Variants in APOB observed in about 807,000 individuals in gnomAD.
APOB encodes the protein apolipoprotein B-100.
In APOB, 153 loss-of-function variants were observed where a neutral mutation model predicts 314.1. The ratio of observed to expected loss-of-function variants is 0.49; its 90% CI spans 0.43 to 0.56. The LOEUF (loss-of-function observed/expected upper bound fraction) is 0.56. Ranked by LOEUF, APOB falls within the 20% of genes least tolerant of loss-of-function variation. APOB has a pLI of 0.00. For synonymous variants in APOB, 2,087 were observed against 2,036.4 expected, an observed-to-expected ratio of 1.02 and a Z score of -0.67; for missense variants, 5,430 against 5,350.7, an observed-to-expected ratio of 1.01 and a Z score of -0.46.
rs779284353 is a variant in APOB, at chr2:21,009,414, T to C, written c.7454A>G (p.Gln2485Arg). The C allele has an allele frequency of 3.1e-6, 5 of 1,614,126 alleles. No individual in the cohort carries two copies. The South Asian group carries it at 5.5e-5, about 18-fold the overall frequency. The change falls in exon 26 of 29, where the codon CAG becomes CGG. Residue 2485 changes from glutamine (Q) to arginine (R), a missense_variant. By Grantham distance (43) the Gln-to-Arg change is conservative. This residue lies in a region of APOB where 3,281 missense variants were observed against 3,171.0 expected (regional missense o/e 1.03). Coordinates refer to ENST00000233242, the MANE Select transcript of APOB (RefSeq NM_000384.3). ...GATGATTAAGGTTATTTTGGTGTCC[T>C]GTAGGCTTTCCAGATACACTGCAAC... is the stretch of plus-strand genomic sequence containing the variant. The part of the protein sequence containing the change: ...ATVAVYLESL[Q>R]DTKITLIINW...
intron 25 of APOB, 40 bp from the exon 26 acceptor site, chr2:21,012,691 T>C (rs536776030): frequency 1.9e-5 from 30 of 1,595,672 alleles, no homozygotes; most frequent in Non-Finnish European, 2.6e-5. Context: ...AATTAAGCAG[T>C]ACATTTCCAG....
At chr2:21,003,398 C>T (rs1014323102) in intron 28 of APOB, 64 bp from the exon 29 acceptor site, 63 of 1,383,598 alleles carry the variant, frequency 4.6e-5, no homozygotes, top group Non-Finnish European at 6.0e-5. Context: ...ATATAGTACA[C>T]TAAAACTTCA....
At position 21,009,535 on chromosome 2, in the gene APOB, C is replaced by T. The variant is rs762309962; in HGVS notation, c.7333G>A (p.Glu2445Lys). ...FVDETNDKIR[E>K]VTQRLNGEIQ... ...TCACCATTGAGTCTCTGAGTCACCT[C>T]ACGGATTTTGTCATTGGTTTCATCT... Residue 2445 changes from glutamate (E) to lysine (K), a missense_variant, in exon 26 of 29, where the codon GAG becomes AAG. Around this residue, in one of 3 missense-constraint regions of APOB, gnomAD observed 3,281 missense variants for 3,171.0 expected, o/e 1.03. Transcript: ENST00000233242. The T allele has an allele frequency of 8.7e-6, 14 of 1,614,060 alleles. No homozygotes were observed. The highest frequency in any genetic ancestry group is 1.2e-5 in the Non-Finnish European group (14 of 1,179,974).
rs776597705 is a variant in APOB, at chr2:21,032,471, G to C, written c.1235C>G (p.Thr412Ser). 4.3e-6 allele frequency: 7 copies of C among 1,614,076 alleles called. No homozygotes were observed. The South Asian group carries it at 5.5e-5, about 13-fold the overall frequency. ...CTCGGGGATCAGGGCCACCAGGTAGGTGACCACATCTATCAGAAGGGGGTT... is the reference window on the plus strand; with the variant it reads ...CTCGGGGATCAGGGCCACCAGGTAGCTGACCACATCTATCAGAAGGGGGTT... Reference protein sequence around the residue: ...HANPLLIDVVTYLVALIPEPS... With the variant: ...HANPLLIDVVSYLVALIPEPS... Residue 412 changes from threonine (T) to serine (S), a missense_variant, in exon 10 of 29, where the codon ACC (threonine) becomes AGC (serine). By Grantham distance (58) the Thr-to-Ser change is moderately conservative. Transcript: ENST00000233242.
chr2:21,027,984 A>T lies in APOB; in HGVS notation c.1911T>A (p.Tyr637Ter), dbSNP rs962930157. ...GAAGAGAAACAGATTTGTAGAGTTG[A>T]TAGTTCCGAGAGAATTTTCTGAAGT... The part of the protein sequence containing the change: ...VMDFRKFSRN[Y>*]QLYKSVSLPS... The change falls in exon 14 of 29, where the codon TAT becomes TAA. Residue 637 changes from tyrosine to a stop codon, truncating the protein, a stop_gained. Transcript: ENST00000233242. LOFTEE classifies it high-confidence loss of function. 1 of 1,613,996 alleles carries T rather than the reference A, an allele frequency of 6.2e-7. No homozygotes were observed. Among genetic ancestry groups the T allele is most frequent in the Non-Finnish European group, 8.5e-7 (1 of 1,179,962 alleles).
chr2:21,034,285 T>C (rs1175410039), intron 8 of APOB, among the ~76,000 whole-genome samples: 1 of 152,156 alleles, frequency 6.6e-6, no homozygotes, highest in Non-Finnish European at 1.5e-5. Flanking sequence ...CTCTGTAGAA[T>C]AGGTATAAAA....
In APOB at chr2:21,002,400, A is replaced by C; in HGVS notation, c.13022T>G (p.Ile4341Ser). 1.2e-6 allele frequency: 2 copies of C among 1,602,708 alleles called. No homozygotes were observed. The highest frequency in any genetic ancestry group is 1.7e-6 in the Non-Finnish European group (2 of 1,173,678). The change falls in exon 29 of 29, where the codon ATC becomes AGC. Residue 4341 changes from isoleucine to serine, a missense_variant. Ile to Ser is a moderately radical substitution (Grantham distance 142, BLOSUM62 -2). This residue lies in a region of APOB where 3,281 missense variants were observed against 3,171.0 expected (regional missense o/e 1.03). Coordinates refer to ENST00000233242, the MANE Select transcript of APOB (RefSeq NM_000384.3). ...DEINTIFSDY[I>S]PYVFKLLKEN... ...TTTCAACAATTTAAAAACATATGGG[A>C]TATAATCACTGAAGATTGTGTTGAT...
chr2:21,030,085 G>T, intron 10 of APOB, 70 bp from the exon 11 acceptor site: 1 of 925,554 alleles, frequency 1.1e-6, no homozygotes. Flanking sequence ...CCAAACTTGT[G>T]AATTAGAAAA....
chr2:21,031,163 C>G (rs866517175), intron 10 of APOB, among the ~76,000 whole-genome samples: 3 of 152,190 alleles, frequency 2.0e-5, no homozygotes, highest in African/African-American at 7.2e-5. Context: ...ATATGTTTAT[C>G]ACAGCACTAT....
intron 18 of APOB, among the ~76,000 whole-genome samples, chr2:21,022,499 C>G (rs1262804358): frequency 6.6e-6 from 1 of 152,122 alleles, no homozygotes; most frequent in Non-Finnish European, 1.5e-5. Flanking sequence ...CTCTCCAGAG[C>G]TATTGTTTCT....
In APOB at chr2:21,011,841, C is replaced by G; in HGVS notation, c.5027G>C (p.Gly1676Ala). ...VLENELNAEL[G>A]LSGASMKLTT... ...TAATTTCATAGATGCCCCAGAGAGGCCAAGCTCTGCATTCAGCTCATTCTC... is the reference window on the plus strand; with the variant it reads ...TAATTTCATAGATGCCCCAGAGAGGGCAAGCTCTGCATTCAGCTCATTCTC... The change falls in exon 26 of 29, where the codon GGC (glycine) becomes GCC (alanine). Residue 1676 changes from glycine to alanine, a missense_variant. Coordinates refer to ENST00000233242, the MANE Select transcript of APOB (RefSeq NM_000384.3). 1 of 1,614,120 alleles carries G rather than the reference C, an allele frequency of 6.2e-7. No homozygotes were observed. Among genetic ancestry groups the G allele is most frequent in the Non-Finnish European group, 8.5e-7 (1 of 1,180,026 alleles).
rs1279925440 is a variant in APOB at position 21,007,410 on chromosome 2, C to T, written c.9458G>A (p.Trp3153Ter). The change falls in exon 26 of 29, where the codon TGG (tryptophan) becomes TAG (stop). Residue 3153 changes from tryptophan (W) to a stop codon, truncating the protein, a stop_gained. Coordinates refer to ENST00000233242, the MANE Select transcript of APOB (RefSeq NM_000384.3). LOFTEE classifies it high-confidence loss of function. ...GAATTCCTTCAAGCCTGTTTTTTCC[C>T]ATAGAGAGAAATCTTTCAGTGGAGG... Reference protein sequence around the residue: ...TTPPLKDFSLWEKTGLKEFLK... With the variant: ...TTPPLKDFSL 1 of 1,613,786 alleles carries T rather than the reference C, an allele frequency of 6.2e-7. No individual in the cohort carries two copies. Among genetic ancestry groups the T allele is most frequent in the African/African-American group, 1.3e-5 (1 of 74,884 alleles).
chr2:21,014,314 G>T, intron 24 of APOB, 134 bp downstream of exon 24: 1 of 1,031,208 alleles, frequency 9.7e-7, no homozygotes, highest in Non-Finnish European at 1.4e-6. Context: ...CAGTGTTTGT[G>T]CTATAGTTAT....
chr2:21,038,273 C>A (rs952035401), intron 4 of APOB, among the ~76,000 whole-genome samples, 162 bp from the exon 5 acceptor site: 1 of 151,982 alleles, frequency 6.6e-6, no homozygotes. Context: ...CATAGACATA[C>A]ATTTTCAAAA....
At position 21,010,448 on chromosome 2, in the gene APOB, C is replaced by T; in HGVS notation, c.6420G>A (p.Glu2140=). 2.5e-6 allele frequency: 4 copies of T among 1,608,862 alleles called. No homozygotes were observed. Among genetic ancestry groups the T allele is most frequent in the Non-Finnish European group, 3.4e-6 (4 of 1,176,276 alleles). The change falls in exon 26 of 29, where the codon GAG becomes GAA. Residue 2140 remains glutamate, a synonymous_variant. Transcript: ENST00000233242. ...ACTTTTTTGTGAGAGCAGTCAGTTT[C>T]TCCTTGGCATGTGAAACTTGTCTCT... ...NWERQVSHAK[E]KLTALTKKYR...
chr2:21,002,458 A>C lies in APOB; in HGVS notation c.12964T>G (p.Phe4322Val). Residue 4322 changes from phenylalanine (F) to valine (V), a missense_variant, in exon 29 of 29, where the codon TTT (phenylalanine) becomes GTT (valine). Phe to Val is a conservative substitution (Grantham distance 50). Coordinates refer to ENST00000233242, the MANE Select transcript of APOB (RefSeq NM_000384.3). ...TGGATATAATTAATAAGATAAGTAA[A>C]TTTCATCTCTTTCAGCTGTTTAATG... ...DNIKQLKEMK[F>V]TYLINYIQDE... 1 of 1,606,010 alleles carries C rather than the reference A, an allele frequency of 6.2e-7. No individual in the cohort carries two copies. Among genetic ancestry groups the C allele is most frequent in the Non-Finnish European group, 8.5e-7 (1 of 1,174,616 alleles).
intron 20 of APOB, among the ~76,000 whole-genome samples, chr2:21,016,918 G>A (rs1039861273): frequency 1.5e-4 from 23 of 151,418 alleles, no homozygotes; most frequent in African/African-American, 3.4e-4. Flanking sequence ...CGGGAGGCGG[G>A]GCTTGCAGTG....
At position 21,006,826 on chromosome 2, in the gene APOB, T is replaced by C. The variant is rs757662434; in HGVS notation, c.10042A>G (p.Ile3348Val). ...TYDFSFKSSVITLNTNAELFN... is the reference protein window; with the variant it reads ...TYDFSFKSSVVTLNTNAELFN... ...AGTTCAGCATTGGTATTCAGTGTGA[T>C]GACACTTGATTTAAAGGAGAAATCA... The change falls in exon 26 of 29, where the codon ATC becomes GTC. Residue 3348 changes from isoleucine to valine, a missense_variant. This residue lies in a region of APOB where 3,281 missense variants were observed against 3,171.0 expected (regional missense o/e 1.03). Coordinates refer to ENST00000233242, the MANE Select transcript of APOB (RefSeq NM_000384.3). 6 of 1,614,122 alleles carry C rather than the reference T, an allele frequency of 3.7e-6. No homozygotes were observed. The highest frequency in any genetic ancestry group is 1.7e-6 in the Non-Finnish European group (2 of 1,179,970).
At chr2:21,023,076 T>A in intron 17 of APOB, 34 bp from the exon 18 acceptor site, 1 of 1,580,950 alleles carries the variant, frequency 6.3e-7, no homozygotes, top group Non-Finnish European at 8.7e-7. Flanking sequence ...TCAGATTCAT[T>A]AAATACTTCA....
Sources: gnomAD v4.1 joint callset for allele counts (sites outside exome capture counted in the v4.1 genomes callset) on GRCh38, gnomAD v4.1.1 for gene constraint, gnomAD v4.1.1 regional missense constraint, MANE v1.5 for transcripts, NCBI Gene and HGNC (gene_info 2026-07-23, HGNC 2026-07-21) for gene names.